Variants in ZNF423 observed in about 807,000 individuals in gnomAD.
The protein encoded by ZNF423 is Ebf-associated zinc finger protein.
In ZNF423, 12 loss-of-function variants were observed where a neutral mutation model predicts 95.8. The observed-to-expected ratio is 0.13, with a 90% CI of 0.08 to 0.20. The LOEUF is 0.20. ZNF423 is among the 10% of genes least tolerant of loss of function. The probability of loss-of-function intolerance (pLI) is 1.00; values close to 1 mark genes in which losing one functional copy is unlikely to be tolerated. For missense variants in ZNF423, 1,316 were observed against 1,737.1 expected, an observed-to-expected ratio of 0.76 and a Z score of 4.31; for synonymous variants, 749 against 711.9, an observed-to-expected ratio of 1.05 and a Z score of -0.83.
At chr16:49,605,698 T>C (rs973890668) in intron 5 of ZNF423, among the ~76,000 whole-genome samples, 2 of 152,178 alleles carry the variant, frequency 1.3e-5, no homozygotes, top group African/African-American at 4.8e-5. Context: ...CGAGGTGGCT[T>C]CCTGCATGTG....
chr16:49,497,340 C>T (rs139088202), intron 7 of ZNF423, among the ~76,000 whole-genome samples: 42 of 152,322 alleles, frequency 2.8e-4, no homozygotes, highest in Middle Eastern at 3.4e-3. Flanking sequence ...GAAGCTCCAG[C>T]GCCCTCCCGT....
At chr16:49,838,382 C>T (rs2144083280) in intron 1 of ZNF423, among the ~76,000 whole-genome samples, 1 of 152,358 alleles carries the variant, frequency 6.6e-6, no homozygotes, top group South Asian at 2.1e-4. Flanking sequence ...ACCTATTTCA[C>T]AGGGGTGCTG....
chr16:49,531,450 A>G (rs1968842662), intron 5 of ZNF423, among the ~76,000 whole-genome samples: 1 of 151,978 alleles, frequency 6.6e-6, no homozygotes, highest in Admixed American at 6.6e-5. Context: ...TGACCCCAGG[A>G]GAGGACCCCT....
At chr16:49,681,399 T>G (rs1175128224) in intron 3 of ZNF423, among the ~76,000 whole-genome samples, 1 of 152,138 alleles carries the variant, frequency 6.6e-6, no homozygotes, top group Admixed American at 6.6e-5. Flanking sequence ...GGTAACTGAG[T>G]GCTTTTTGGG....
At chr16:49,536,432 GTTT>G (rs767808121) in intron 5 of ZNF423, among the ~76,000 whole-genome samples, 8 of 126,788 alleles carry the variant, frequency 6.3e-5, no homozygotes, top group African/African-American at 2.1e-4. Flanking sequence ...TTTCTGGGTG[GTTT>G]TTTTTTTTTT....
intron 3 of ZNF423, among the ~76,000 whole-genome samples, chr16:49,655,270 C>T (rs1181173646): frequency 6.6e-6 from 1 of 152,196 alleles, no homozygotes; most frequent in South Asian, 2.1e-4. Flanking sequence ...CTCCATTCCA[C>T]AGGCCCTGGC....
intron 3 of ZNF423, among the ~76,000 whole-genome samples, chr16:49,669,434 G>A (rs1486189573): frequency 3.3e-5 from 5 of 152,200 alleles, no homozygotes; most frequent in Admixed American, 2.0e-4. Flanking sequence ...CAATGAGTGG[G>A]ATATGGGGCA....
chr16:49,708,320 G>A (rs1295090730), intron 3 of ZNF423: 1 of 151,616 alleles, frequency 6.6e-6, no homozygotes, highest in Non-Finnish European at 1.5e-5. Flanking sequence ...TTTTGAGGTA[G>A]AGTCTTACTC....
At chr16:49,553,328 A>G (rs1969707032) in intron 5 of ZNF423, among the ~76,000 whole-genome samples, 1 of 151,882 alleles carries the variant, frequency 6.6e-6, no homozygotes, top group Non-Finnish European at 1.5e-5. Context: ...ATTTATATAT[A>G]TATATTTCTT....
chr16:49,604,702 G>T (rs137858919), intron 5 of ZNF423, among the ~76,000 whole-genome samples: 1 of 152,048 alleles, frequency 6.6e-6, no homozygotes, highest in Non-Finnish European at 1.5e-5. Context: ...TGGCCATCTG[G>T]TCATGCAACC....
chr16:49,582,612 T>C (rs1168766436), intron 5 of ZNF423, among the ~76,000 whole-genome samples: 1 of 152,168 alleles, frequency 6.6e-6, no homozygotes, highest in Non-Finnish European at 1.5e-5. Context: ...GAAATGGGCA[T>C]AGGAAATTCT....
At chr16:49,513,855 C>G (rs1857916225) in intron 7 of ZNF423, among the ~76,000 whole-genome samples, 1 of 151,992 alleles carries the variant, frequency 6.6e-6, no homozygotes, top group Non-Finnish European at 1.5e-5. Context: ...GGCACTGGAG[C>G]TGGGCTGATG....
In ZNF423 at chr16:49,717,594, G is replaced by A. The variant is rs186678906; in HGVS notation, c.301+13177C>T. Among the ~76,000 whole-genome samples, 37 of 152,288 alleles carry A rather than the reference G, an allele frequency of 2.4e-4. No individual in the cohort carries two copies. The East Asian group carries it at 4.8e-3, about 20-fold the overall frequency. ...GAGATGCAGGAAGACTGGGTCCTTC[G>A]CCCTTCACTGGAGTCCCTGGATTCA... On this transcript the variant is annotated intron_variant, in intron 3 of 7. Coordinates refer to ENST00000563137, the MANE Select transcript of ZNF423 (RefSeq NM_001379286.1).
intron 2 of ZNF423, among the ~76,000 whole-genome samples, chr16:49,787,013 C>A (rs1242470151): frequency 6.6e-6 from 1 of 152,224 alleles, no homozygotes; most frequent in African/African-American, 2.4e-5. Context: ...GGAGCTGCTG[C>A]TGGAAGTGGC....
At chr16:49,642,198 T>C (rs191048559) in intron 3 of ZNF423, among the ~76,000 whole-genome samples, 1 of 152,316 alleles carries the variant, frequency 6.6e-6, no homozygotes, top group Admixed American at 6.5e-5. Context: ...TATCTGGCTG[T>C]CTGCAGTAAC....
chr16:49,673,890 T>C (rs1197161632), intron 3 of ZNF423, among the ~76,000 whole-genome samples: 3 of 152,116 alleles, frequency 2.0e-5, no homozygotes. Flanking sequence ...AGACAGTCCA[T>C]GGTGGGACCT....
At chr16:49,579,636 A>G (rs934430565) in intron 5 of ZNF423, among the ~76,000 whole-genome samples, 5 of 152,240 alleles carry the variant, frequency 3.3e-5, no homozygotes, top group South Asian at 4.2e-4. Context: ...AGCTGGGGAA[A>G]CTGAGGCTTG....
intron 5 of ZNF423, among the ~76,000 whole-genome samples, chr16:49,559,346 C>G (rs1317599923): frequency 1.3e-5 from 2 of 152,230 alleles, no homozygotes; most frequent in African/African-American, 4.8e-5. Flanking sequence ...GCAAAGCCTT[C>G]TCTGCTAATG....
At chr16:49,683,120 G>T (rs1264799415) in intron 3 of ZNF423, among the ~76,000 whole-genome samples, 1 of 152,190 alleles carries the variant, frequency 6.6e-6, no homozygotes, top group Non-Finnish European at 1.5e-5. Context: ...ATGAACAGGT[G>T]GCAGAGGGGT....
Sources: gnomAD v4.1 joint callset for allele counts (sites outside exome capture counted in the v4.1 genomes callset) on GRCh38, gnomAD v4.1.1 for gene constraint, MANE v1.5 for transcripts, NCBI Gene and HGNC (gene_info 2026-07-23, HGNC 2026-07-21) for gene names.